The following SEMA5A variants were observed in gnomAD, a reference collection of about 807,000 sequenced individuals.
SEMA5A encodes the protein semaphorin 5A.
A neutral mutation model predicts 135.5 loss-of-function variants in SEMA5A; 55 were observed. The ratio of observed to expected loss-of-function variants is 0.41; its 90% CI spans 0.33 to 0.51. SEMA5A has a LOEUF of 0.51. Ranked by LOEUF, SEMA5A falls within the 20% of genes least tolerant of loss-of-function variation. The pLI, the probability that SEMA5A is intolerant of heterozygous loss-of-function variation, is 0.37. For missense variants in SEMA5A, 1,290 were observed against 1,419.9 expected, an observed-to-expected ratio of 0.91 and a Z score of 1.47; for synonymous variants, 580 against 546.5, an observed-to-expected ratio of 1.06 and a Z score of -0.85.
intron 16 of SEMA5A, among the ~76,000 whole-genome samples, chr5:9,082,305 G>A (rs1738431321): frequency 6.6e-6 from 1 of 152,144 alleles, no homozygotes; most frequent in African/African-American, 2.4e-5. Flanking sequence ...TTAGCCCATT[G>A]ATTCTGTATT....
chr5:9,332,347 C>T (rs1918779), intron 4 of SEMA5A, among the ~76,000 whole-genome samples: 16,152 of 151,268 alleles, frequency 0.11, 884 homozygotes, highest in Middle Eastern at 0.17. Flanking sequence ...TGGGCTGGTA[C>T]TCACATGGGG....
chr5:9,308,800 C>G (rs929990094), intron 5 of SEMA5A, among the ~76,000 whole-genome samples: 3 of 152,054 alleles, frequency 2.0e-5, no homozygotes, highest in African/African-American at 7.2e-5. Flanking sequence ...ACCTCAACTC[C>G]TCTGCTGTTG....
chr5:9,298,211 T>C (rs1751436807), intron 5 of SEMA5A, among the ~76,000 whole-genome samples: 1 of 152,194 alleles, frequency 6.6e-6, no homozygotes, highest in African/African-American at 2.4e-5. Context: ...GAAATTTGGA[T>C]GCTGAGCCAG....
chr5:9,365,627 A>T (rs1206970276), intron 3 of SEMA5A, among the ~76,000 whole-genome samples: 1 of 152,222 alleles, frequency 6.6e-6, no homozygotes, highest in Non-Finnish European at 1.5e-5. Flanking sequence ...GACTCAGGAC[A>T]TAAATGGTGG....
chr5:9,353,162 G>GAAAGGAAGGGAAAGGA (rs368864006), intron 3 of SEMA5A, among the ~76,000 whole-genome samples: 1 of 23,530 alleles, frequency 4.2e-5, no homozygotes, highest in Non-Finnish European at 7.4e-5. Context: ...GAAAGGAAAG[G>GAAAGGAAGGGAAAGGA]AGGGAAAGGA....
rs151294814 is a variant in SEMA5A at position 9,318,538 on chromosome 5, G to T, written c.225-121C>A. ...GACTTCAAAAGCATCTTCTTTCTAA[G>T]AATATGTTCAGCACTACTTTCCTTG... is the stretch of plus-strand genomic sequence containing the variant. On this transcript the variant is annotated intron_variant, in intron 4 of 22. Transcript: ENST00000382496. 19 of 784,802 alleles carry T rather than the reference G, an allele frequency of 2.4e-5. No homozygotes were observed. In the East Asian group the frequency reaches 4.7e-4, roughly 19 times the overall value. 48.6% of individuals were successfully genotyped at this position (784,802 alleles called of 1,614,324 possible).
Position 9,226,933 on chromosome 5 carries a change from A to G in SEMA5A, c.368T>C (p.Val123Ala). 8 of 1,575,748 alleles carry G rather than the reference A, an allele frequency of 5.1e-6. No individual in the cohort carries two copies. Among genetic ancestry groups the G allele is most frequent in the Non-Finnish European group, 6.9e-6 (8 of 1,158,624 alleles). Residue 123 changes from valine (V) to alanine (A), a missense_variant, in exon 7 of 23, where the codon GTG (valine) becomes GCG (alanine). Around this residue, in one of 3 missense-constraint regions of SEMA5A, gnomAD observed 145 missense variants for 212.0 expected, o/e 0.68. Coordinates refer to ENST00000382496, the MANE Select transcript of SEMA5A (RefSeq NM_003966.3). ...ECQNYIRVLL[V>A]GGDRLFTCGT... ...ACAGGTGAATAACCGGTCGCCACCC[A>G]CCAGAAGCACCCGGATGTAGTTCTG...
chr5:9,474,483 G>A (rs1478552336), intron 1 of SEMA5A, among the ~76,000 whole-genome samples: 1 of 120,442 alleles, frequency 8.3e-6, no homozygotes, highest in African/African-American at 3.0e-5. Flanking sequence ...TGAGAAGCAT[G>A]CTTAAAAAAA....
rs1424265501 is a variant in SEMA5A at position 9,119,077 on chromosome 5, G to A, written c.1846C>T (p.Gln616Ter). ...TTGCTGCAGGAGCGCTGCCGCACCT[G>A]GAAGCCGATCCCACAGGTAGTGCTG... is the stretch of plus-strand genomic sequence containing the variant. ...PCSTTCGIGF[Q>*]VRQRSCSNPT... Residue 616 changes from glutamine to a stop codon, truncating the protein, a stop_gained, in exon 15 of 23, where the codon CAG becomes TAG. Transcript: ENST00000382496. LOFTEE classifies it high-confidence loss of function. The A allele has an allele frequency of 6.2e-7, 1 of 1,613,782 alleles. No individual in the cohort carries two copies.
At chr5:9,297,045 C>T (rs1056042269) in intron 5 of SEMA5A, among the ~76,000 whole-genome samples, 1 of 151,944 alleles carries the variant, frequency 6.6e-6, no homozygotes, top group African/African-American at 2.4e-5. Flanking sequence ...AGAAAATCAG[C>T]ATGGCTGAGC....
chr5:9,257,575 G>C (rs577334673), intron 5 of SEMA5A, among the ~76,000 whole-genome samples: 2 of 150,832 alleles, frequency 1.3e-5, no homozygotes, highest in East Asian at 3.9e-4. Flanking sequence ...TTTATACTAG[G>C]GACTGAGATT....
At chr5:9,397,986 G>T (rs900982521) in intron 2 of SEMA5A, among the ~76,000 whole-genome samples, 1 of 152,124 alleles carries the variant, frequency 6.6e-6, no homozygotes, top group African/African-American at 2.4e-5. Context: ...CTTGGCATGT[G>T]AGTGGTGCTC....
chr5:9,456,766 C>T (rs945346342), intron 1 of SEMA5A, among the ~76,000 whole-genome samples: 8 of 152,186 alleles, frequency 5.3e-5, no homozygotes, highest in Non-Finnish European at 1.0e-4. Context: ...AGGGAAACTT[C>T]AAGAAGCACT....
intron 5 of SEMA5A, among the ~76,000 whole-genome samples, chr5:9,251,662 T>G (rs1008677124): frequency 6.6e-6 from 1 of 152,022 alleles, no homozygotes; most frequent in African/African-American, 2.4e-5. Flanking sequence ...TGTTTCCAAG[T>G]GTAACTATAA....
At chr5:9,341,752 T>A (rs965106471) in intron 3 of SEMA5A, among the ~76,000 whole-genome samples, 1 of 150,502 alleles carries the variant, frequency 6.6e-6, no homozygotes, top group African/African-American at 2.4e-5. Flanking sequence ...AGATAATTCA[T>A]AATATTTGAG....
chr5:9,342,352 A>C (rs1290666813), intron 3 of SEMA5A, among the ~76,000 whole-genome samples: 1 of 152,180 alleles, frequency 6.6e-6, no homozygotes, highest in Non-Finnish European at 1.5e-5. Context: ...ATTTGTTAGC[A>C]AACACTGACC....
chr5:9,078,095 C>G (rs1268871859), intron 16 of SEMA5A, among the ~76,000 whole-genome samples: 2 of 152,156 alleles, frequency 1.3e-5, no homozygotes, highest in Admixed American at 6.5e-5. Context: ...ATTTTATTGT[C>G]TCACTGTAAT....
chr5:9,045,850 T>C (rs1736221389), intron 21 of SEMA5A: 1 of 152,218 alleles, frequency 6.6e-6, no homozygotes, highest in African/African-American at 2.4e-5. Context: ...TGGACTTATA[T>C]CTCTAAAATA....
At chr5:9,175,871 G>C (rs1744177246) in intron 11 of SEMA5A, among the ~76,000 whole-genome samples, 1 of 152,102 alleles carries the variant, frequency 6.6e-6, no homozygotes, top group African/African-American at 2.4e-5. Context: ...GGGTTTTTGG[G>C]GGATGAGAAT....
Sources: allele counts gnomAD v4.1 joint callset (sites outside exome capture counted in the v4.1 genomes callset), GRCh38; gene constraint gnomAD v4.1.1; regional missense constraint gnomAD v4.1.1; transcripts MANE v1.5; gene names NCBI Gene and HGNC (gene_info 2026-07-23, HGNC 2026-07-21).